CNTN6: variants seen among roughly 807,000 people sequenced by gnomAD.
The protein encoded by CNTN6 is contactin-6.
In CNTN6, 137 loss-of-function variants were observed where a neutral mutation model predicts 122.8. The ratio of observed to expected loss-of-function variants is 1.12; its 90% CI spans 0.97 to 1.29. The LOEUF is 1.29. CNTN6 is among the 50% of genes most tolerant of loss of function. The probability of loss-of-function intolerance (pLI) is 0.00; values close to 1 mark genes in which losing one functional copy is unlikely to be tolerated. For synonymous variants in CNTN6, 570 were observed against 426.0 expected (o/e 1.34, Z -4.16); for missense variants, 1,634 against 1,223.4 (o/e 1.34, Z -5.01).
chr3:1,275,433 C>T (rs188645710), intron 4 of CNTN6, among the ~76,000 whole-genome samples: 22 of 152,260 alleles, frequency 1.4e-4, no homozygotes, highest in Admixed American at 1.2e-3. Context: ...ACGTATTATT[C>T]ACCTCTAGCT....
At chr3:1,357,383 A>C (rs938580404) in intron 12 of CNTN6, among the ~76,000 whole-genome samples, 1 of 151,870 alleles carries the variant, frequency 6.6e-6, no homozygotes, top group African/African-American at 2.4e-5. Flanking sequence ...ATGGTTATTC[A>C]TCTTGTTTTC....
intron 12 of CNTN6, among the ~76,000 whole-genome samples, chr3:1,363,328 A>G (rs1298258204): frequency 6.6e-6 from 1 of 151,976 alleles, no homozygotes; most frequent in African/African-American, 2.4e-5. Context: ...ATATACACAG[A>G]TAACTGTATC....
chr3:1,303,968 G>A (rs572492482), intron 7 of CNTN6, among the ~76,000 whole-genome samples: 20 of 152,206 alleles, frequency 1.3e-4, no homozygotes, highest in African/African-American at 4.3e-4. Context: ...GCCTATTTGA[G>A]CTCTGAAAAT....
At chr3:1,386,045 T>C (rs769403453) in intron 20 of CNTN6, among the ~76,000 whole-genome samples, 1 of 152,228 alleles carries the variant, frequency 6.6e-6, no homozygotes, top group Non-Finnish European at 1.5e-5. Context: ...AAGAGCATAA[T>C]GTTTAAGACT....
intron 2 of CNTN6, among the ~76,000 whole-genome samples, chr3:1,159,166 C>T (rs79108312): frequency 6.6e-6 from 1 of 151,794 alleles, no homozygotes; most frequent in African/African-American, 2.4e-5. Flanking sequence ...CAAATTACCG[C>T]CTAATTACCA....
At chr3:1,108,023 G>A (rs2091306270) in intron 1 of CNTN6, among the ~76,000 whole-genome samples, 3 of 152,004 alleles carry the variant, frequency 2.0e-5, no homozygotes, top group Admixed American at 6.6e-5. Context: ...TAATGTCAGT[G>A]TTATGCAGAA....
At chr3:1,318,142 A>AAG (rs143092789) in intron 7 of CNTN6, among the ~76,000 whole-genome samples, 6,479 of 151,760 alleles carry the variant, frequency 0.043, 171 homozygotes, top group Middle Eastern at 0.065. Context: ...AAGAAAAAGA[A>AAG]AGAAAATTCT....
At chr3:1,183,982 G>A (rs989333266) in intron 2 of CNTN6, among the ~76,000 whole-genome samples, 1 of 152,182 alleles carries the variant, frequency 6.6e-6, no homozygotes, top group Non-Finnish European at 1.5e-5. Flanking sequence ...GCTGGCTAGC[G>A]GCTGAAGGCC....
At chr3:1,203,968 TAG>T (rs2093921974) in intron 2 of CNTN6, among the ~76,000 whole-genome samples, 1 of 152,200 alleles carries the variant, frequency 6.6e-6, no homozygotes, top group Admixed American at 6.5e-5. Flanking sequence ...GTTTGTAGCC[TAG>T]AAGCAATAGG....
At chr3:1,333,745 A>T (rs1702651655) in intron 11 of CNTN6, among the ~76,000 whole-genome samples, 2 of 152,116 alleles carry the variant, frequency 1.3e-5, no homozygotes, top group Admixed American at 6.6e-5. Context: ...TTATAAAAAA[A>T]TGGTGGCAGT....
intron 11 of CNTN6, among the ~76,000 whole-genome samples, chr3:1,349,315 T>C (rs1705249780): frequency 6.6e-6 from 1 of 151,904 alleles, no homozygotes; most frequent in African/African-American, 2.4e-5. Flanking sequence ...TAATCATTCA[T>C]GCAAATCTCT....
In CNTN6 at chr3:1,385,807, C is replaced by A; in HGVS notation, c.2704+10C>A. 2 of 1,598,004 alleles carry A rather than the reference C, an allele frequency of 1.3e-6. No individual in the cohort carries two copies. Among genetic ancestry groups the A allele is most frequent in the Non-Finnish European group, 1.7e-6 (2 of 1,173,184 alleles). On this transcript the variant is annotated intron_variant, in intron 20 of 22. Transcript: ENST00000446702. ...ACCACCAAAAAGTCTCGTAAGTATG[C>A]ATACACTCCAGGAAACAAGATTCAT...
At chr3:1,221,708 AT>A (rs1297059546) in intron 3 of CNTN6, among the ~76,000 whole-genome samples, 2 of 152,256 alleles carry the variant, frequency 1.3e-5, no homozygotes, top group African/African-American at 4.8e-5. Context: ...AAATATATGC[AT>A]ACGTAAATAT....
chr3:1,169,332 AGG>A (rs2093318692), intron 2 of CNTN6, among the ~76,000 whole-genome samples: 1 of 151,830 alleles, frequency 6.6e-6, no homozygotes, highest in Non-Finnish European at 1.5e-5. Context: ...GTGGGGAAGG[AGG>A]GGACATTCAG....
chr3:1,163,606 T>C (rs1405429605), intron 2 of CNTN6, among the ~76,000 whole-genome samples: 1 of 152,144 alleles, frequency 6.6e-6, no homozygotes, highest in Non-Finnish European at 1.5e-5. Context: ...ACTTTACAGA[T>C]GAGGTTTTGC....
Position 1,394,114 on chromosome 3 carries a change from C to T in CNTN6, c.2705-7319C>T, listed in dbSNP as rs940313343. ...GCCTAGATGTGCAGGCAGCCCCACA[C>T]GGTCTCATTGGAGTACTGAGAGGCC... On this transcript the variant is annotated intron_variant, in intron 20 of 22. Transcript: ENST00000446702. 3.0e-5 allele frequency: 5 copies of T among 166,484 alleles called. 1 individual carries two copies. The highest frequency in any genetic ancestry group is 2.4e-4 in the South Asian group (2 of 8,206). 10.3% of individuals were successfully genotyped at this position (166,484 alleles called of 1,614,324 possible).
At chr3:1,283,713 C>T (rs1693861254) in intron 5 of CNTN6, among the ~76,000 whole-genome samples, 2 of 152,110 alleles carry the variant, frequency 1.3e-5, no homozygotes, top group African/African-American at 4.8e-5. Flanking sequence ...GGATATGAAA[C>T]TCTCGGCGGG....
chr3:1,387,713 C>T (rs951732370), intron 20 of CNTN6, among the ~76,000 whole-genome samples: 6 of 152,152 alleles, frequency 3.9e-5, no homozygotes, highest in African/African-American at 2.4e-5. Context: ...GCGCACCGTG[C>T]GCAAGCCGAA....
intron 4 of CNTN6, among the ~76,000 whole-genome samples, chr3:1,245,312 AT>A (rs556736193): frequency 1.6e-4 from 3 of 19,204 alleles, no homozygotes; most frequent in South Asian, 1.4e-3. Context: ...ATATATATAT[AT>A]ATATATATAT....
Sources: allele counts gnomAD v4.1 joint callset (sites outside exome capture counted in the v4.1 genomes callset), GRCh38; gene constraint gnomAD v4.1.1; transcripts MANE v1.5; gene names NCBI Gene and HGNC (gene_info 2026-07-23, HGNC 2026-07-21).